The following MGAT5 variants were observed in gnomAD, a reference collection of about 807,000 sequenced individuals.
MGAT5 encodes the protein alpha-1,6-mannosylglycoprotein 6-beta-N-acetylglucosaminyltransferase.
In MGAT5, 30 loss-of-function variants were observed where a neutral mutation model predicts 94.3. The observed-to-expected ratio is 0.32, with a 90% CI of 0.24 to 0.43. The LOEUF is 0.43. Ranked by LOEUF, MGAT5 falls within the 20% of genes least tolerant of loss-of-function variation. The pLI, the probability that MGAT5 is intolerant of heterozygous loss-of-function variation, is 1.00. For missense variants in MGAT5, 691 were observed against 905.5 expected, an observed-to-expected ratio of 0.76 and a Z score of 3.04; for synonymous variants, 310 against 322.9, an observed-to-expected ratio of 0.96 and a Z score of 0.43.
chr2:134,398,736 CG>C (rs982899525), intron 10 of MGAT5, among the ~76,000 whole-genome samples: 2 of 103,638 alleles, frequency 1.9e-5, no homozygotes, highest in African/African-American at 5.8e-5. Flanking sequence ...GAATACGATT[CG>C]GCCATTTAAA....
At chr2:134,279,517 C>T (rs957316212) in intron 2 of MGAT5, among the ~76,000 whole-genome samples, 3 of 152,162 alleles carry the variant, frequency 2.0e-5, no homozygotes, top group African/African-American at 7.2e-5. Flanking sequence ...ACTGACCCTT[C>T]AAGGAATACA....
chr2:134,346,168 T>C (rs1688915281), intron 8 of MGAT5, among the ~76,000 whole-genome samples: 1 of 151,884 alleles, frequency 6.6e-6, no homozygotes, highest in Admixed American at 6.6e-5. Context: ...ATCTGATAAA[T>C]GTGCAAAGGA....
At chr2:134,382,360 T>G (rs899189366) in intron 10 of MGAT5, among the ~76,000 whole-genome samples, 2 of 152,156 alleles carry the variant, frequency 1.3e-5, no homozygotes, top group Non-Finnish European at 2.9e-5. Context: ...GCAACAAAGG[T>G]TGAAAACTGC....
chr2:134,192,905 A>G (rs1475201125), intron 1 of MGAT5, among the ~76,000 whole-genome samples: 3 of 151,956 alleles, frequency 2.0e-5, no homozygotes, highest in Non-Finnish European at 4.4e-5. Context: ...TATACCATAT[A>G]TGGGAATATA....
chr2:134,128,859 C>G (rs1685981138), intron 1 of MGAT5, among the ~76,000 whole-genome samples: 1 of 152,224 alleles, frequency 6.6e-6, no homozygotes, highest in Non-Finnish European at 1.5e-5. Flanking sequence ...TTAGTGCTCA[C>G]AGTTGTGAGC....
chr2:134,431,462 T>C (rs893193519), intron 14 of MGAT5, among the ~76,000 whole-genome samples: 23 of 152,194 alleles, frequency 1.5e-4, no homozygotes, highest in Admixed American at 1.4e-3. Context: ...CAAGACCCCA[T>C]TGGTTCACAG....
intron 10 of MGAT5, among the ~76,000 whole-genome samples, chr2:134,373,305 A>T (rs138949910): frequency 6.6e-6 from 1 of 152,318 alleles, no homozygotes; most frequent in African/African-American, 2.4e-5. Context: ...TGAGCAGTAC[A>T]GGGAGAGAAG....
intron 10 of MGAT5, among the ~76,000 whole-genome samples, chr2:134,395,506 C>T (rs999711830): frequency 7.2e-5 from 11 of 152,164 alleles, no homozygotes; most frequent in Admixed American, 2.0e-4. Context: ...TAGCTTGTCC[C>T]GTTTTATGGC....
intron 1 of MGAT5, among the ~76,000 whole-genome samples, chr2:134,159,188 CGTGTGT>C (rs138643972): frequency 0.023 from 3,376 of 144,082 alleles, 139 homozygotes; most frequent in East Asian, 0.19. Context: ...GGTCTAAATT[CGTGTGT>C]GTGTGTGTGT....
intron 1 of MGAT5, among the ~76,000 whole-genome samples, chr2:134,130,203 C>CA: frequency 6.8e-6 from 1 of 146,444 alleles, no homozygotes; most frequent in Non-Finnish European, 1.5e-5. Flanking sequence ...CTGGAGCCCG[C>CA]CCCGCCCCAC....
intron 1 of MGAT5, among the ~76,000 whole-genome samples, chr2:134,156,378 GT>G (rs1436854924): frequency 1.3e-5 from 2 of 152,274 alleles, no homozygotes; most frequent in African/African-American, 4.8e-5. Flanking sequence ...CCAGGTCTCT[GT>G]CTGTTTGGCC....
At chr2:134,145,212 C>G (rs543076822) in intron 1 of MGAT5, among the ~76,000 whole-genome samples, 1,462 of 113,744 alleles carry the variant, frequency 0.013, 13 homozygotes, top group South Asian at 0.034. Flanking sequence ...GTGTCTCTCT[C>G]TCTGTGTGTG....
chr2:134,313,918 T>A (rs1227011046), intron 2 of MGAT5, among the ~76,000 whole-genome samples: 1 of 152,192 alleles, frequency 6.6e-6, no homozygotes, highest in Non-Finnish European at 1.5e-5. Flanking sequence ...TTAACCTTTT[T>A]TGGCTCAAAG....
intron 10 of MGAT5, among the ~76,000 whole-genome samples, chr2:134,374,064 A>G (rs1681000157): frequency 6.6e-6 from 1 of 152,206 alleles, no homozygotes; most frequent in African/African-American, 2.4e-5. Context: ...AAGTGTGTGT[A>G]GATTTCTGCC....
At chr2:134,197,134 A>C (rs1679531503) in intron 1 of MGAT5, among the ~76,000 whole-genome samples, 1 of 152,102 alleles carries the variant, frequency 6.6e-6, no homozygotes. Context: ...AAGATGAAAA[A>C]CTGCTTCTGC....
rs540833575 is a variant in MGAT5, at chr2:134,336,497, G to A, written c.645+209G>A. Among the ~76,000 whole-genome samples the A allele has an allele frequency of 3.9e-5, 6 of 152,228 alleles. No individual in the cohort carries two copies. In the East Asian group the frequency reaches 1.2e-3, roughly 29 times the overall value. The stretch of plus-strand genomic sequence containing the variant: ...ACTGAGCAATTCTCTGAGGGTTCCT[G>A]AATGATAGGCTACTGATATGAGTAA... On this transcript the variant is annotated intron_variant, in intron 5 of 15. Coordinates refer to ENST00000281923, the MANE Select transcript of MGAT5 (RefSeq NM_002410.5).
intron 1 of MGAT5, among the ~76,000 whole-genome samples, chr2:134,162,858 G>A (rs1378171879): frequency 6.6e-6 from 1 of 152,206 alleles, no homozygotes; most frequent in Non-Finnish European, 1.5e-5. Flanking sequence ...ATGAAACCGA[G>A]GTTTAGAGAT....
intron 10 of MGAT5, among the ~76,000 whole-genome samples, chr2:134,381,472 G>T (rs565826079): frequency 2.6e-5 from 4 of 151,032 alleles, no homozygotes; most frequent in Admixed American, 6.6e-5. Context: ...TAGGTAGGTA[G>T]GTAGGTAGAG....
At chr2:134,365,213 C>T (rs1018211292) in intron 10 of MGAT5, among the ~76,000 whole-genome samples, 20 of 152,136 alleles carry the variant, frequency 1.3e-4, no homozygotes, top group African/African-American at 4.3e-4. Flanking sequence ...TCCTGCTGTG[C>T]CATAAATCCT....
Sources: gnomAD v4.1 joint callset for allele counts (sites outside exome capture counted in the v4.1 genomes callset) on GRCh38, gnomAD v4.1.1 for gene constraint, MANE v1.5 for transcripts, NCBI Gene and HGNC (gene_info 2026-07-23, HGNC 2026-07-21) for gene names.